The following CRTAC1 variants were observed in gnomAD, a reference collection of about 807,000 sequenced individuals.
The protein encoded by CRTAC1 is acidic secreted protein in cartilage.
CRTAC1 carries 37 observed loss-of-function variants against 67.8 expected under a neutral mutation model. That is an observed-to-expected ratio of 0.55 (90% confidence interval 0.42 to 0.72). CRTAC1 has a LOEUF of 0.72. CRTAC1 is among the 30% of genes least tolerant of loss of function. CRTAC1 has a pLI of 0.00. For missense variants in CRTAC1, 780 were observed against 931.6 expected (o/e 0.84, Z 2.12); for synonymous variants, 348 against 371.0 (o/e 0.94, Z 0.71).
chr10:97,947,390 G>A (rs2136627416), intron 2 of CRTAC1, among the ~76,000 whole-genome samples: 1 of 152,316 alleles, frequency 6.6e-6, no homozygotes, highest in Non-Finnish European at 1.5e-5. Context: ...GTTTGATCTG[G>A]AACTTGAAGG....
chr10:97,973,298 C>A (rs2051744509), intron 2 of CRTAC1, among the ~76,000 whole-genome samples: 1 of 152,096 alleles, frequency 6.6e-6, no homozygotes, highest in Non-Finnish European at 1.5e-5. Context: ...TGTCTCCGTC[C>A]CACCCTAATT....
chr10:97,936,786 A>G (rs2051096544), intron 2 of CRTAC1, among the ~76,000 whole-genome samples: 1 of 152,232 alleles, frequency 6.6e-6, no homozygotes, highest in Admixed American at 6.5e-5. Context: ...GGCATGTATT[A>G]GTAACCCATT....
At chr10:97,995,930 G>T (rs1052175215) in intron 2 of CRTAC1, among the ~76,000 whole-genome samples, 1 of 152,146 alleles carries the variant, frequency 6.6e-6, no homozygotes, top group African/African-American at 2.4e-5. Flanking sequence ...GGGGGCTGAG[G>T]TGGGTGGATC....
chr10:97,879,745 G>T (rs956124487), intron 14 of CRTAC1: 1 of 1,550,042 alleles, frequency 6.5e-7, no homozygotes, highest in South Asian at 1.2e-5. Context: ...GCCCGAGAGA[G>T]AGGCTCAGAG....
rs541806294 is a variant in CRTAC1, at chr10:97,928,419, G to C, written c.422-5019C>G. On this transcript the variant is annotated intron_variant, in intron 3 of 14. Coordinates refer to ENST00000370597, the MANE Select transcript of CRTAC1 (RefSeq NM_018058.7). ...CAGGTAAAGGAGATACCAAGAGACA[G>C]CCATGAAATGAATGATACTGCCACG... Among the ~76,000 whole-genome samples the C allele has an allele frequency of 2.8e-4, 42 of 152,328 alleles. 1 individual carries two copies. In the South Asian group the frequency reaches 8.7e-3, roughly 32 times the overall value.
At chr10:97,924,881 G>A (rs1008687510) in intron 3 of CRTAC1, among the ~76,000 whole-genome samples, 3 of 152,172 alleles carry the variant, frequency 2.0e-5, no homozygotes, top group Non-Finnish European at 4.4e-5. Flanking sequence ...GTGAGCATGA[G>A]CGAGAGTGAG....
At chr10:97,995,229 C>T (rs1842538559) in intron 2 of CRTAC1, among the ~76,000 whole-genome samples, 1 of 152,148 alleles carries the variant, frequency 6.6e-6, no homozygotes, top group South Asian at 2.1e-4. Context: ...AGTCCAAGGA[C>T]CACAGTCTGG....
At chr10:98,027,831 C>T (rs1843269544) in intron 1 of CRTAC1, among the ~76,000 whole-genome samples, 1 of 152,200 alleles carries the variant, frequency 6.6e-6, no homozygotes, top group Non-Finnish European at 1.5e-5. Context: ...GTATGTCCAT[C>T]TTTATAGTGA....
At chr10:97,925,298 A>G (rs2050896309) in intron 3 of CRTAC1, among the ~76,000 whole-genome samples, 2 of 152,160 alleles carry the variant, frequency 1.3e-5, no homozygotes, top group African/African-American at 4.8e-5. Context: ...TGAGTATGTG[A>G]AAGCAAGTGC....
intron 11 of CRTAC1, among the ~76,000 whole-genome samples, chr10:97,887,738 C>T (rs2050308463): frequency 6.6e-6 from 1 of 152,242 alleles, no homozygotes; most frequent in Admixed American, 6.5e-5. Flanking sequence ...TGCTGGCCAA[C>T]AGCCTTACCA....
intron 14 of CRTAC1, chr10:97,879,817 G>A (rs2050188617): frequency 5.8e-6 from 9 of 1,541,292 alleles, no homozygotes; most frequent in Non-Finnish European, 6.1e-6. Context: ...AAAACGATGC[G>A]GCGGGGAGAC....
intron 2 of CRTAC1, among the ~76,000 whole-genome samples, chr10:97,960,514 C>G (rs934995299): frequency 1.3e-5 from 2 of 152,200 alleles, no homozygotes; most frequent in Admixed American, 1.3e-4. Context: ...TAACTGCTTA[C>G]ATAATAAATC....
At chr10:97,896,840 C>T (rs1031372571) in intron 9 of CRTAC1, 69 bp downstream of exon 9, 11 of 730,460 alleles carry the variant, frequency 1.5e-5, no homozygotes, top group African/African-American at 5.3e-5. Context: ...CCGTCCCTCC[C>T]GCCCTCACCC....
Position 97,865,381 on chromosome 10 carries a change from C to T in CRTAC1, c.*167G>A. ...TCACAGCTATGTGCCCAGCACAGGG[C>T]CTGGCCTTACGAGTCTCCCTAATTG... On this transcript the variant is annotated 3_prime_UTR_variant, in exon 15 of 15. Coordinates refer to ENST00000370597, the MANE Select transcript of CRTAC1 (RefSeq NM_018058.7). 1.3e-6 allele frequency: 1 copy of T among 795,102 alleles called. No homozygotes were observed. Among genetic ancestry groups the T allele is most frequent in the Non-Finnish European group, 1.9e-6 (1 of 526,300 alleles). The allele number at this position is 795,102 out of a possible 1,614,324, so 49.3% of individuals were successfully genotyped here.
intron 4 of CRTAC1, among the ~76,000 whole-genome samples, chr10:97,919,107 A>G (rs2050801435): frequency 1.3e-5 from 2 of 151,672 alleles, no homozygotes; most frequent in South Asian, 4.2e-4. Flanking sequence ...CTTTGAAGGG[A>G]TTATTTTCTT....
chr10:97,889,076 G>A (rs1281168538), intron 11 of CRTAC1, among the ~76,000 whole-genome samples: 3 of 150,290 alleles, frequency 2.0e-5, no homozygotes, highest in Non-Finnish European at 4.4e-5. Flanking sequence ...GCGGTGGCAT[G>A]TGTGGGTGGG....
Position 97,901,637 on chromosome 10 carries a change from G to A in CRTAC1, c.999C>T (p.Asp333=), listed in dbSNP as rs765124205. The A allele has an allele frequency of 6.8e-6, 11 of 1,614,158 alleles. No individual in the cohort carries two copies. The South Asian group carries it at 1.2e-4, about 18-fold the overall frequency. The change falls in exon 8 of 15, where the codon GAC becomes GAT. Residue 333 remains aspartate, a splice_region_variant and synonymous_variant. Coordinates refer to ENST00000370597, the MANE Select transcript of CRTAC1 (RefSeq NM_018058.7). ...MSTHGKVRFR[D]IASPKFSMPS... is the part of the protein sequence containing the mutation. ...GCATGGAGAACTTGGGTGAGGCGAT[G>A]TCCTGGAGGAAACAAGGCTGGGGGT...
At chr10:97,948,050 T>C (rs968188725) in intron 2 of CRTAC1, among the ~76,000 whole-genome samples, 2 of 150,668 alleles carry the variant, frequency 1.3e-5, no homozygotes, top group Admixed American at 6.6e-5. Flanking sequence ...AGGAAGAGAA[T>C]TGAAATGATA....
intron 5 of CRTAC1, among the ~76,000 whole-genome samples, chr10:97,915,860 C>A (rs1019245851): frequency 6.6e-6 from 1 of 152,140 alleles, no homozygotes; most frequent in African/African-American, 2.4e-5. Context: ...ACGCCAGCTG[C>A]CCCAGCCTCC....
Sources: gnomAD v4.1 joint callset for allele counts (sites outside exome capture counted in the v4.1 genomes callset) on GRCh38, gnomAD v4.1.1 for gene constraint, MANE v1.5 for transcripts, NCBI Gene and HGNC (gene_info 2026-07-23, HGNC 2026-07-21) for gene names.